The following ZXDB variants were observed in gnomAD, a reference collection of about 807,000 sequenced individuals.
The protein encoded by ZXDB is zinc finger X-linked duplicated B, also known as zinc finger X-linked protein ZXDB.
For missense variants in ZXDB, 413 were observed against 679.1 expected, an observed-to-expected ratio of 0.61 and a Z score of 4.36; for synonymous variants, 273 against 314.3, an observed-to-expected ratio of 0.87 and a Z score of 1.39.
chrX:57,592,800 GC>G lies in ZXDB; in HGVS notation c.755del (p.Pro252ArgfsTer37), dbSNP rs1283265441. The G allele has an allele frequency of 8.7e-7, 1 of 1,144,353 alleles. No individual in the cohort carries two copies. The highest frequency in any genetic ancestry group is 1.8e-5 in the African/African-American group (1 of 55,229). 94.3% of individuals were successfully genotyped at this position (1,144,353 alleles called of 1,213,427 possible). On this transcript the variant is annotated frameshift_variant, in exon 1 of 1. Coordinates refer to ENST00000374888, the MANE Select transcript of ZXDB (RefSeq NM_007157.4). LOFTEE classifies it low-confidence loss of function (END_TRUNC). ...CCGGCGCCTGAGGAGGAGGCGGAGG[GC>G]CCGGCCGCCGCCCTGGGCCCCCGCG... ...PAPAPEEEAE[G>X]PAAALGPRGP...
rs2057909606 is a variant in ZXDB, at chrX:57,596,008, A to G, written c.*1548A>G. 8.1e-6 allele frequency: 1 copy of G among 123,287 alleles called. No homozygotes were observed. The allele number at this position is 123,287 out of a possible 1,213,427, so 10.2% of individuals were successfully genotyped here. On this transcript the variant is annotated 3_prime_UTR_variant, in exon 1 of 1. Transcript: ENST00000374888. ...TCAGTCCTTCCTTTTATAAGACAAT[A>G]ATTGGAGTAGTTTAATCTTATTCAT...
chrX:57,596,556 G>C lies in ZXDB; in HGVS notation c.*2096G>C, dbSNP rs1033183043. 5.7e-5 allele frequency: 7 copies of C among 123,126 alleles called. No homozygotes were observed. Among genetic ancestry groups the C allele is most frequent in the African/African-American group, 2.3e-4 (7 of 30,757 alleles). The allele number at this position is 123,126 out of a possible 1,213,427, so 10.1% of individuals were successfully genotyped here. On this transcript the variant is annotated 3_prime_UTR_variant, in exon 1 of 1. Coordinates refer to ENST00000374888, the MANE Select transcript of ZXDB (RefSeq NM_007157.4). ...CCAACTCCCATTCCAACTAGGCTTT[G>C]GCTAAATCTGACAATTTTATATATA...
chrX:57,593,103 A>G lies in ZXDB; in HGVS notation c.1055A>G (p.Lys352Arg), dbSNP rs1350339161. 10 of 1,210,150 alleles carry G rather than the reference A, an allele frequency of 8.3e-6. No individual in the cohort carries two copies. In the East Asian group the frequency reaches 1.8e-4, roughly 22 times the overall value. Residue 352 changes from lysine (K) to arginine (R), a missense_variant, in exon 1 of 1, where the codon AAG (lysine) becomes AGG (arginine). Coordinates refer to ENST00000374888, the MANE Select transcript of ZXDB (RefSeq NM_007157.4). The part of the protein sequence containing the change: ...GKSFTTVYNL[K>R]AHMKGHEQEN... ...AGCTTCACCACAGTGTACAACCTCA[A>G]GGCGCACATGAAGGGCCATGAGCAG... is the stretch of plus-strand genomic sequence containing the variant.
Position 57,596,999 on chromosome X carries a change from A to G in ZXDB, c.*2539A>G, listed in dbSNP as rs766647393. ...ATTTCTGTTTCATTACTTCCGTTTT[A>G]AAAGTTTTTGCCAGAGAGTTTTGCT... On this transcript the variant is annotated 3_prime_UTR_variant, in exon 1 of 1. Transcript: ENST00000374888. The G allele has an allele frequency of 1.2e-4, 15 of 123,647 alleles. No individual in the cohort carries two copies. The highest frequency in any genetic ancestry group is 1.7e-4 in the Non-Finnish European group (9 of 53,323). The allele number at this position is 123,647 out of a possible 1,213,427, so 10.2% of individuals were successfully genotyped here.
At position 57,593,059 on chromosome X, in the gene ZXDB, G is replaced by A. The variant is rs1057322; in HGVS notation, c.1011G>A (p.Pro337=). The A allele has an allele frequency of 6.6e-6, 8 of 1,210,221 alleles. No homozygotes were observed. The highest frequency in any genetic ancestry group is 1.8e-5 in the South Asian group (1 of 56,827). Residue 337 remains proline, a synonymous_variant, in exon 1 of 1, where the codon CCG becomes CCA. Transcript: ENST00000374888. ...SHDKLRPFGC[P]AEGCGKSFTT... Reference sequence around the variant, plus strand: ...ACAAACTGCGGCCCTTTGGCTGCCCGGCAGAGGGCTGTGGCAAGAGCTTCA... The same window carrying A: ...ACAAACTGCGGCCCTTTGGCTGCCCAGCAGAGGGCTGTGGCAAGAGCTTCA...
Position 57,595,737 on chromosome X carries a change from G to A in ZXDB, c.*1277G>A. ...TTTTGATGATGGAAGGCAGTTTTGTGGAAATTGCCAGCCAGGACTTTGACA... is the reference window on the plus strand; with the variant it reads ...TTTTGATGATGGAAGGCAGTTTTGTAGAAATTGCCAGCCAGGACTTTGACA... On this transcript the variant is annotated 3_prime_UTR_variant, in exon 1 of 1. Coordinates refer to ENST00000374888, the MANE Select transcript of ZXDB (RefSeq NM_007157.4). The A allele has an allele frequency of 8.1e-6, 1 of 123,622 alleles. No homozygotes were observed. Among genetic ancestry groups the A allele is most frequent in the Non-Finnish European group, 1.9e-5 (1 of 53,318 alleles). 10.2% of individuals were successfully genotyped at this position (123,622 alleles called of 1,213,427 possible).
In ZXDB at chrX:57,592,956, C is replaced by G; in HGVS notation, c.908C>G (p.Pro303Arg). The G allele has an allele frequency of 8.3e-7, 1 of 1,205,826 alleles. No homozygotes were observed. Among genetic ancestry groups the G allele is most frequent in the East Asian group, 3.0e-5 (1 of 33,585 alleles). The change falls in exon 1 of 1, where the codon CCC (proline) becomes CGC (arginine). Residue 303 changes from proline to arginine, a missense_variant. By Grantham distance (103) the Pro-to-Arg change is moderately radical. Coordinates refer to ENST00000374888, the MANE Select transcript of ZXDB (RefSeq NM_007157.4). ...CACAGCAGCAGCCAGGGCCAGAGGC[C>G]CTTCAAATGCCCCCTGGGTGGCTGC... is the stretch of plus-strand genomic sequence containing the variant. ...LTHSSSQGQR[P>R]FKCPLGGCGW... is the part of the protein sequence containing the mutation.
rs2057897633 is a variant in ZXDB at position 57,592,547 on chromosome X, G to T, written c.499G>T (p.Gly167Cys). The T allele has an allele frequency of 1.7e-6, 2 of 1,191,009 alleles. No homozygotes were observed. Among genetic ancestry groups the T allele is most frequent in the Non-Finnish European group, 2.3e-6 (2 of 886,897 alleles). Reference protein sequence around the residue: ...SAPGPAAAFAGTVTIHNQDLL... With the variant: ...SAPGPAAAFACTVTIHNQDLL... ...CCCCGGCCCCGCCGCGGCCTTCGCG[G>T]GCACAGTCACTATCCACAACCAGGA... is the stretch of plus-strand genomic sequence containing the variant. Residue 167 changes from glycine (G) to cysteine (C), a missense_variant, in exon 1 of 1, where the codon GGC becomes TGC. Coordinates refer to ENST00000374888, the MANE Select transcript of ZXDB (RefSeq NM_007157.4).
At position 57,593,858 on chromosome X, in the gene ZXDB, G is replaced by A. The variant is rs373474762; in HGVS notation, c.1810G>A (p.Asp604Asn). ...LTSQRQNDLS[D>N]AEIVSLFSDV... ...CAGCCAGAGACAGAATGATCTCAGT[G>A]ATGCAGAGATAGTGTCTCTCTTCTC... The change falls in exon 1 of 1, where the codon GAT becomes AAT. Residue 604 changes from aspartate to asparagine, a missense_variant. By Grantham distance (23) the Asp-to-Asn change is conservative (BLOSUM62 1). Transcript: ENST00000374888. The A allele has an allele frequency of 7.5e-6, 9 of 1,205,523 alleles. No individual in the cohort carries two copies. In the African/African-American group the frequency reaches 1.4e-4, roughly 19 times the overall value.
Position 57,593,790 on chromosome X carries a change from A to T in ZXDB, c.1742A>T (p.Gln581Leu). The change falls in exon 1 of 1, where the codon CAG becomes CTG. Residue 581 changes from glutamine (Q) to leucine (L), a missense_variant. Gln to Leu is a moderately radical substitution (Grantham distance 113). Transcript: ENST00000374888. ...RHKVGQDLLA[Q>L]LEAANSLTPS... The stretch of plus-strand genomic sequence containing the variant: ...AAGGTGGGCCAGGATCTCTTAGCTC[A>T]GCTAGAAGCAGCAAATTCTCTCACA... The T allele has an allele frequency of 3.3e-6, 4 of 1,211,468 alleles. No homozygotes were observed. The highest frequency in any genetic ancestry group is 4.5e-6 in the Non-Finnish European group (4 of 895,391).
At position 57,592,543 on chromosome X, in the gene ZXDB, C is replaced by G; in HGVS notation, c.495C>G (p.Phe165Leu). The G allele has an allele frequency of 1.7e-6, 2 of 1,189,453 alleles. No individual in the cohort carries two copies. Among genetic ancestry groups the G allele is most frequent in the Non-Finnish European group, 1.1e-6 (1 of 885,999 alleles). Residue 165 changes from phenylalanine (F) to leucine (L), a missense_variant, in exon 1 of 1, where the codon TTC becomes TTG. Physicochemically the swap from Phe to Leu is conservative, Grantham distance 22. Coordinates refer to ENST00000374888, the MANE Select transcript of ZXDB (RefSeq NM_007157.4). Reference sequence around the variant, plus strand: ...CCGCCCCCGGCCCCGCCGCGGCCTTCGCGGGCACAGTCACTATCCACAACC... The same window carrying G: ...CCGCCCCCGGCCCCGCCGCGGCCTTGGCGGGCACAGTCACTATCCACAACC... Reference protein sequence around the residue: ...PISAPGPAAAFAGTVTIHNQD... With the variant: ...PISAPGPAAALAGTVTIHNQD...
In ZXDB at chrX:57,592,800, G is replaced by A. The variant is rs752642877; in HGVS notation, c.752G>A (p.Gly251Asp). 3.5e-6 allele frequency: 4 copies of A among 1,144,352 alleles called. No individual in the cohort carries two copies. Among genetic ancestry groups the A allele is most frequent in the Non-Finnish European group, 3.5e-6 (3 of 865,672 alleles). 94.3% of individuals were successfully genotyped at this position (1,144,352 alleles called of 1,213,427 possible). The change falls in exon 1 of 1, where the codon GGC (glycine) becomes GAC (aspartate). Residue 251 changes from glycine (G) to aspartate (D), a missense_variant. By Grantham distance (94) the Gly-to-Asp change is moderately conservative (BLOSUM62 -1). Transcript: ENST00000374888. The stretch of plus-strand genomic sequence containing the variant: ...CCGGCGCCTGAGGAGGAGGCGGAGG[G>A]CCCGGCCGCCGCCCTGGGCCCCCGC... Reference protein sequence around the residue: ...PAPAPEEEAEGPAAALGPRGP... With the variant: ...PAPAPEEEAEDPAAALGPRGP...
Position 57,592,814 on chromosome X carries a change from C to T in ZXDB, c.766C>T (p.Leu256=), listed in dbSNP as rs1897563713. Residue 256 remains leucine (L), a synonymous_variant, in exon 1 of 1, where the codon CTG becomes TTG. Transcript: ENST00000374888. ...EEEAEGPAAA[L]GPRGPLGSGP... is the part of the protein sequence containing the mutation. The stretch of plus-strand genomic sequence containing the variant: ...GGAGGCGGAGGGCCCGGCCGCCGCC[C>T]TGGGCCCCCGCGGACCGCTGGGCTC... 1.0e-5 allele frequency: 12 copies of T among 1,148,336 alleles called. No homozygotes were observed. The highest frequency in any genetic ancestry group is 1.4e-5 in the Non-Finnish European group (12 of 867,392). 94.6% of individuals were successfully genotyped at this position (1,148,336 alleles called of 1,213,427 possible). A position where few individuals can be genotyped will look rare whatever the true frequency, so the allele number is the denominator to read the frequency against.
At position 57,597,114 on chromosome X, in the gene ZXDB, T is replaced by C. The variant is rs2057912965; in HGVS notation, c.*2654T>C. 1 of 123,466 alleles carries C rather than the reference T, an allele frequency of 8.1e-6. No homozygotes were observed. The highest frequency in any genetic ancestry group is 3.2e-5 in the African/African-American group (1 of 30,836). The allele number at this position is 123,466 out of a possible 1,213,427, so 10.2% of individuals were successfully genotyped here. A position where few individuals can be genotyped will look rare whatever the true frequency, so the allele number is the denominator to read the frequency against. ...GACAGTTATTGTAGCACTTTGGCAG[T>C]GCACTAAAATTTTGCCACTATGAAA... On this transcript the variant is annotated 3_prime_UTR_variant, in exon 1 of 1. Coordinates refer to ENST00000374888, the MANE Select transcript of ZXDB (RefSeq NM_007157.4).
Position 57,592,921 on chromosome X carries a change from C to T in ZXDB, c.873C>T (p.His291=). ...CCAAGAAGCACCAGCTGAAGGTGCA[C>T]CTGCTGACGCACAGCAGCAGCCAGG... ...TFAKKHQLKV[H]LLTHSSSQGQ... Residue 291 remains histidine, a synonymous_variant, in exon 1 of 1, where the codon CAC becomes CAT. Transcript: ENST00000374888. The T allele has an allele frequency of 5.8e-6, 7 of 1,197,462 alleles. No homozygotes were observed. Among genetic ancestry groups the T allele is most frequent in the Non-Finnish European group, 6.8e-6 (6 of 888,696 alleles).
chrX:57,592,930 G>C lies in ZXDB; in HGVS notation c.882G>C (p.Thr294=). ...KKHQLKVHLL[T]HSSSQGQRPF... ...ACCAGCTGAAGGTGCACCTGCTGAC[G>C]CACAGCAGCAGCCAGGGCCAGAGGC... The change falls in exon 1 of 1, where the codon ACG becomes ACC. Residue 294 remains threonine, a synonymous_variant. Coordinates refer to ENST00000374888, the MANE Select transcript of ZXDB (RefSeq NM_007157.4). 1 of 1,199,679 alleles carries C rather than the reference G, an allele frequency of 8.3e-7. No homozygotes were observed. Among genetic ancestry groups the C allele is most frequent in the Non-Finnish European group, 1.1e-6 (1 of 889,778 alleles).
rs776417879 is a variant in ZXDB at position 57,592,777 on chromosome X, G to T, written c.729G>T (p.Pro243=). The change falls in exon 1 of 1, where the codon CCG becomes CCT. Residue 243 remains proline, a synonymous_variant. Transcript: ENST00000374888. The part of the protein sequence containing the change: ...LAEPAEPAPA[P]APEEEAEGPA... ...AGCCGGCCGAACCCGCGCCAGCTCC[G>T]GCGCCTGAGGAGGAGGCGGAGGGCC... 3 of 1,149,944 alleles carry T rather than the reference G, an allele frequency of 2.6e-6. No homozygotes were observed. In the African/African-American group the frequency reaches 5.4e-5, roughly 21 times the overall value. The allele number at this position is 1,149,944 out of a possible 1,213,427, so 94.8% of individuals were successfully genotyped here.
chrX:57,592,981 C>T lies in ZXDB; in HGVS notation c.933C>T (p.Cys311=), dbSNP rs762067451. ...CCTTCAAATGCCCCCTGGGTGGCTG[C>T]GGCTGGACCTTCACCACCTCTTACA... ...QRPFKCPLGG[C]GWTFTTSYKL... Residue 311 remains cysteine, a synonymous_variant, in exon 1 of 1, where the codon TGC becomes TGT. Transcript: ENST00000374888. 6 of 1,209,050 alleles carry T rather than the reference C, an allele frequency of 5.0e-6. No homozygotes were observed. The highest frequency in any genetic ancestry group is 6.7e-6 in the Non-Finnish European group (6 of 894,169).
chrX:57,594,559 G>C lies in ZXDB; in HGVS notation c.*99G>C. ...ATTTAAGTGCAGTCATTTCTTTTTG[G>C]TTTGCAAAAAGAGCACAGCCCTGGA... is the stretch of plus-strand genomic sequence containing the variant. On this transcript the variant is annotated 3_prime_UTR_variant, in exon 1 of 1. Transcript: ENST00000374888. 2 of 1,039,048 alleles carry C rather than the reference G, an allele frequency of 1.9e-6. No individual in the cohort carries two copies. Among genetic ancestry groups the C allele is most frequent in the Admixed American group, 6.1e-5 (2 of 32,882 alleles). The allele number at this position is 1,039,048 out of a possible 1,213,427, so 85.6% of individuals were successfully genotyped here.
Sources: allele counts gnomAD v4.1 joint callset, GRCh38; gene constraint gnomAD v4.1.1; transcripts MANE v1.5; gene names NCBI Gene and HGNC (gene_info 2026-07-23, HGNC 2026-07-21).